PDZRN4: variants seen among roughly 807,000 people sequenced by gnomAD.
PDZRN4 encodes the protein PDZ domain-containing RING finger protein 4.
PDZRN4 carries 70 observed loss-of-function variants against 99.0 expected under a neutral mutation model. The observed-to-expected ratio is 0.71, with a 90% CI of 0.58 to 0.86. The LOEUF is 0.86. PDZRN4 is among the 40% of genes least tolerant of loss of function. PDZRN4 has a pLI of 0.00. For missense variants in PDZRN4, 1,474 were observed against 1,331.2 expected (o/e 1.11, Z -1.67); for synonymous variants, 551 against 501.6 (o/e 1.10, Z -1.32).
At chr12:41,412,278 T>C (rs920896467) in intron 3 of PDZRN4, 1 of 152,202 alleles carries the variant, frequency 6.6e-6, no homozygotes, top group African/African-American at 2.4e-5. Flanking sequence ...TCGTGTCTGT[T>C]TTATTTCTGT....
intron 5 of PDZRN4, among the ~76,000 whole-genome samples, chr12:41,542,919 A>G (rs951598275): frequency 1.3e-5 from 2 of 152,134 alleles, no homozygotes; most frequent in Non-Finnish European, 2.9e-5. Context: ...CTTTCTCTCA[A>G]TCATCCTAAT....
At chr12:41,325,390 C>T (rs746538914) in intron 3 of PDZRN4, among the ~76,000 whole-genome samples, 120 of 152,154 alleles carry the variant, frequency 7.9e-4, no homozygotes, top group Non-Finnish European at 1.4e-3. Flanking sequence ...TTTGTGATTA[C>T]AGTATCTTCG....
At chr12:41,261,279 T>A (rs1488329741) in intron 3 of PDZRN4, among the ~76,000 whole-genome samples, 2 of 152,164 alleles carry the variant, frequency 1.3e-5, no homozygotes, top group African/African-American at 4.8e-5. Context: ...AACTGTAGTA[T>A]TTAGTAGGAG....
intron 3 of PDZRN4, among the ~76,000 whole-genome samples, chr12:41,302,935 T>C (rs367798061): frequency 7.9e-6 from 1 of 127,116 alleles, no homozygotes; most frequent in Non-Finnish European, 1.8e-5. Context: ...ATATATAAAA[T>C]ACACACACAC....
chr12:41,571,184 G>T (rs1205646859), intron 9 of PDZRN4, among the ~76,000 whole-genome samples: 1 of 151,952 alleles, frequency 6.6e-6, no homozygotes, highest in East Asian at 1.9e-4. Flanking sequence ...GCATAAGGCA[G>T]ATATAACCTA....
chr12:41,191,779 TATTTA>T (rs1258377567), intron 2 of PDZRN4, among the ~76,000 whole-genome samples: 13 of 18,600 alleles, frequency 7.0e-4, no homozygotes, highest in African/African-American at 1.1e-3. Flanking sequence ...TTTATTTATT[TATTTA>T]TTTTGTTTGT....
intron 3 of PDZRN4, among the ~76,000 whole-genome samples, chr12:41,276,326 T>C (rs1951349550): frequency 6.6e-6 from 1 of 152,110 alleles, no homozygotes; most frequent in South Asian, 2.1e-4. Context: ...AAATGATTTA[T>C]ACAAATAAGC....
intron 3 of PDZRN4, among the ~76,000 whole-genome samples, chr12:41,204,705 A>G (rs1197592275): frequency 6.6e-6 from 1 of 152,036 alleles, no homozygotes; most frequent in Non-Finnish European, 1.5e-5. Flanking sequence ...TGATTCAGTT[A>G]CCTTCACCTG....
chr12:41,554,421 C>T (rs891339258), intron 6 of PDZRN4, among the ~76,000 whole-genome samples: 2 of 152,106 alleles, frequency 1.3e-5, no homozygotes, highest in African/African-American at 2.4e-5. Context: ...GGAATGTTTT[C>T]CTTTTACCTC....
chr12:41,563,765 A>G (rs952173776), intron 8 of PDZRN4, 116 bp downstream of exon 8: 1 of 754,798 alleles, frequency 1.3e-6, no homozygotes, highest in Non-Finnish European at 2.2e-6. Flanking sequence ...AATCATTATC[A>G]CGGTTATCTC....
At chr12:41,479,779 G>A (rs1937645321) in intron 3 of PDZRN4, among the ~76,000 whole-genome samples, 1 of 152,114 alleles carries the variant, frequency 6.6e-6, no homozygotes, top group Non-Finnish European at 1.5e-5. Context: ...TAAAGAATAT[G>A]AGAGCCCAGA....
chr12:41,191,877 G>C (rs947388770), intron 2 of PDZRN4, among the ~76,000 whole-genome samples: 3 of 151,794 alleles, frequency 2.0e-5, no homozygotes, highest in Admixed American at 6.6e-5. Flanking sequence ...CTTCCTCCTG[G>C]GTTCAAGCAA....
chr12:41,531,817 T>G (rs750255752), intron 5 of PDZRN4, among the ~76,000 whole-genome samples: 1 of 152,226 alleles, frequency 6.6e-6, no homozygotes, highest in Non-Finnish European at 1.5e-5. Context: ...TTTTTAGCTC[T>G]TTATATATTT....
intron 3 of PDZRN4, among the ~76,000 whole-genome samples, chr12:41,332,115 G>T (rs1471133174): frequency 6.6e-6 from 1 of 152,100 alleles, no homozygotes; most frequent in African/African-American, 2.4e-5. Flanking sequence ...GACATATAAG[G>T]TCATGAAGTG....
chr12:41,353,581 G>T (rs1398559995), intron 3 of PDZRN4, among the ~76,000 whole-genome samples: 1 of 152,172 alleles, frequency 6.6e-6, no homozygotes. Flanking sequence ...CAGTCTGTGT[G>T]GTAGTGATGG....
intron 3 of PDZRN4, among the ~76,000 whole-genome samples, chr12:41,337,092 T>C (rs1187837380): frequency 6.6e-6 from 1 of 152,082 alleles, no homozygotes. Flanking sequence ...AGGGCTGTTA[T>C]CAATTTTGTT....
intron 3 of PDZRN4, among the ~76,000 whole-genome samples, chr12:41,339,368 T>G (rs1592018686): frequency 1.3e-5 from 2 of 152,160 alleles, no homozygotes; most frequent in Admixed American, 1.3e-4. Flanking sequence ...AACTTGGATA[T>G]CCATATGCAA....
chr12:41,215,735 T>A (rs1399187339), intron 3 of PDZRN4, among the ~76,000 whole-genome samples: 1 of 151,990 alleles, frequency 6.6e-6, no homozygotes, highest in Non-Finnish European at 1.5e-5. Context: ...GTTTATCATT[T>A]CACCTCTCAT....
At chr12:41,529,845 C>T (rs140319451) in intron 5 of PDZRN4, among the ~76,000 whole-genome samples, 14 of 152,256 alleles carry the variant, frequency 9.2e-5, no homozygotes, top group Non-Finnish European at 1.9e-4. Flanking sequence ...TCTCTGGCTT[C>T]AACTGTGCTG....
Sources: gnomAD v4.1 joint callset for allele counts (sites outside exome capture counted in the v4.1 genomes callset) on GRCh38, gnomAD v4.1.1 for gene constraint, MANE v1.5 for transcripts, NCBI Gene and HGNC (gene_info 2026-07-23, HGNC 2026-07-21) for gene names.